RAVER2: variants seen among roughly 807,000 people sequenced by gnomAD.
RAVER2 encodes the protein ribonucleoprotein, PTB binding 2.
A neutral mutation model predicts 78.1 loss-of-function variants in RAVER2; 46 were observed. That is an observed-to-expected ratio of 0.59 (90% CI 0.46 to 0.75). RAVER2 has a LOEUF of 0.75. Among genes scored for constraint, RAVER2 ranks in the 30% least tolerant of loss-of-function variants. The pLI is 0.00. For synonymous variants in RAVER2, 311 were observed against 313.3 expected (o/e 0.99, Z 0.08); for missense variants, 793 against 837.5 (o/e 0.95, Z 0.66).
intron 2 of RAVER2, among the ~76,000 whole-genome samples, chr1:64,773,738 T>A (rs1652384533): frequency 6.6e-6 from 1 of 152,222 alleles, no homozygotes. Flanking sequence ...TAGTTCTAGA[T>A]CCTTGAGGAA....
At chr1:64,818,809 A>G (rs1653816407) in intron 11 of RAVER2, among the ~76,000 whole-genome samples, 1 of 152,156 alleles carries the variant, frequency 6.6e-6, no homozygotes, top group Non-Finnish European at 1.5e-5. Flanking sequence ...CGTGGAAAAG[A>G]GGGGGTTGCA....
At chr1:64,813,913 A>G (rs1013664859) in intron 10 of RAVER2, among the ~76,000 whole-genome samples, 3 of 150,948 alleles carry the variant, frequency 2.0e-5, no homozygotes, top group African/African-American at 4.9e-5. Context: ...TTTTTTTATT[A>G]TACTTTAAGT....
exon 12 of RAVER2, chr1:64,832,537 GATC>G (rs1553157230): frequency 6.6e-6 from 1 of 152,216 alleles, no homozygotes; most frequent in Non-Finnish European, 1.5e-5. Flanking sequence ...TTTGAAATCA[GATC>G]ATTAAATATC....
rs141048096 is a variant in RAVER2 at position 64,778,799 on chromosome 1, G to A, written c.786+707G>A. ...GTTTCTCTCCATTTCTTCCTTCTCC[G>A]TTTTCCTTTTTACCGCACTCCCTTC... On this transcript the variant is annotated intron_variant, in intron 3 of 11. Coordinates refer to ENST00000294428, the Ensembl canonical transcript of RAVER2. Among the ~76,000 whole-genome samples the A allele has an allele frequency of 4.7e-5, 7 of 148,022 alleles. No homozygotes were observed. In the South Asian group the frequency reaches 6.4e-4, roughly 14 times the overall value.
At chr1:64,753,801 C>A (rs1041718084) in intron 1 of RAVER2, among the ~76,000 whole-genome samples, 2 of 152,134 alleles carry the variant, frequency 1.3e-5, no homozygotes, top group South Asian at 2.1e-4. Flanking sequence ...GGATTACAGG[C>A]GTGAGCCACC....
chr1:64,797,057 T>C (rs1228774740), intron 5 of RAVER2, among the ~76,000 whole-genome samples: 1 of 152,206 alleles, frequency 6.6e-6, no homozygotes, highest in Middle Eastern at 3.2e-3. Context: ...AATTCACTTA[T>C]AGACAGAGAT....
At chr1:64,797,220 A>C (rs942669433) in intron 5 of RAVER2, among the ~76,000 whole-genome samples, 10 of 152,164 alleles carry the variant, frequency 6.6e-5, no homozygotes, top group African/African-American at 2.4e-4. Flanking sequence ...CGTCAGTTAG[A>C]TCAACATGGT....
chr1:64,832,448 A>G (rs1196535751), exon 12 of RAVER2: 1 of 152,616 alleles, frequency 6.6e-6, no homozygotes, highest in Non-Finnish European at 1.5e-5. Context: ...ACCTTTTGCC[A>G]TCTAGAAATT....
At chr1:64,824,067 A>G (rs1211740042) in intron 11 of RAVER2, among the ~76,000 whole-genome samples, 1 of 152,178 alleles carries the variant, frequency 6.6e-6, no homozygotes, top group Non-Finnish European at 1.5e-5. Context: ...TTGGTCTTCC[A>G]AAGTGCTAGG....
At chr1:64,793,789 T>C (rs1443967225) in intron 5 of RAVER2, among the ~76,000 whole-genome samples, 1 of 152,200 alleles carries the variant, frequency 6.6e-6, no homozygotes, top group Non-Finnish European at 1.5e-5. Context: ...TTTCTAGAAA[T>C]TGGTATAAGA....
chr1:64,782,637 C>T (rs1000954063), intron 4 of RAVER2, among the ~76,000 whole-genome samples: 3 of 152,056 alleles, frequency 2.0e-5, no homozygotes, highest in East Asian at 3.9e-4. Flanking sequence ...TCTGGCAACC[C>T]CAAAGAGGGA....
At chr1:64,803,244 C>G (rs1653317426) in intron 6 of RAVER2, among the ~76,000 whole-genome samples, 183 bp downstream of exon 6, 2 of 151,844 alleles carry the variant, frequency 1.3e-5, no homozygotes, top group South Asian at 4.2e-4. Flanking sequence ...TTAAGCTAGC[C>G]AAAGCAGTAG....
chr1:64,808,456 CTTTTT>C (rs71584460), intron 9 of RAVER2, among the ~76,000 whole-genome samples: 1 of 103,160 alleles, frequency 9.7e-6, no homozygotes, highest in South Asian at 3.1e-4. Flanking sequence ...TAATGCAGTC[CTTTTT>C]TTTTTTTTTT....
intron 5 of RAVER2, among the ~76,000 whole-genome samples, chr1:64,798,528 A>G (rs1653166363): frequency 1.3e-5 from 2 of 152,016 alleles, no homozygotes; most frequent in African/African-American, 4.8e-5. Context: ...GAACTAGTTT[A>G]CAGTCCCACC....
chr1:64,759,440 C>T (rs1393172879), intron 1 of RAVER2, among the ~76,000 whole-genome samples: 2 of 150,996 alleles, frequency 1.3e-5, no homozygotes, highest in African/African-American at 4.9e-5. Context: ...AGAATGGTTT[C>T]GATCTCCTGC....
intron 5 of RAVER2, among the ~76,000 whole-genome samples, chr1:64,796,411 T>A (rs1309075622): frequency 6.6e-6 from 1 of 152,074 alleles, no homozygotes; most frequent in East Asian, 1.9e-4. Flanking sequence ...TCAAATTTTT[T>A]AAGGAAGATT....
chr1:64,761,875 C>T (rs72675414), intron 1 of RAVER2, among the ~76,000 whole-genome samples: 6,780 of 151,700 alleles, frequency 0.045, 258 homozygotes, highest in Admixed American at 0.14. Context: ...TTGGGGAGGC[C>T]GAGGCAGGTG....
At chr1:64,805,221 C>A in intron 8 of RAVER2, 116 bp downstream of exon 8, 1 of 959,214 alleles carries the variant, frequency 1.0e-6, no homozygotes, top group Non-Finnish European at 1.5e-6. Context: ...TTTATTTAGT[C>A]ATTTAAAATT....
exon 9 of RAVER2, chr1:64,807,332 C>T: frequency 6.2e-7 from 1 of 1,614,076 alleles, no homozygotes; most frequent in Non-Finnish European, 8.5e-7. Flanking sequence ...AAACAGCCAG[C>T]CACGGTGGGA....
Sources: allele counts gnomAD v4.1 joint callset (sites outside exome capture counted in the v4.1 genomes callset), GRCh38; gene constraint gnomAD v4.1.1; transcripts MANE v1.5; gene names NCBI Gene and HGNC (gene_info 2026-07-23, HGNC 2026-07-21).